Variants in CFAP44 observed in about 807,000 individuals in gnomAD.
The protein encoded by CFAP44 is cilia- and flagella-associated protein 44.
A neutral mutation model predicts 216.2 loss-of-function variants in CFAP44; 134 were observed. The ratio of observed to expected loss-of-function variants is 0.62; its 90% CI spans 0.54 to 0.72. The LOEUF is 0.72. CFAP44 is among the 30% of genes least tolerant of loss of function. CFAP44 has a pLI of 0.00. For missense variants in CFAP44, 2,035 were observed against 2,182.1 expected (o/e 0.93, Z 1.34); for synonymous variants, 700 against 727.6 (o/e 0.96, Z 0.61).
chr3:113,305,186 A>G lies in CFAP44; in HGVS notation c.4759-34T>C, dbSNP rs184012346. ...AGCCCCGTGTTGTGAAATGGTGACA[A>G]GACTCAATAAACATACATCTAAAGA... On this transcript the variant is annotated intron_variant, in intron 30 of 34. Transcript: ENST00000393845. 6.0e-6 allele frequency: 9 copies of G among 1,504,900 alleles called. No homozygotes were observed. The East Asian group carries it at 2.2e-4, about 37-fold the overall frequency. The allele number at this position is 1,504,900 out of a possible 1,614,324, so 93.2% of individuals were successfully genotyped here.
intron 24 of CFAP44, among the ~76,000 whole-genome samples, chr3:113,336,963 T>G (rs1276424260): frequency 6.6e-6 from 1 of 151,596 alleles, no homozygotes. Context: ...GTACTGGAAG[T>G]TCTAGCCAGT....
rs909634657 is a variant in CFAP44 at position 113,290,638 on chromosome 3, C to G, written c.*919G>C. 6.6e-6 allele frequency: 1 copy of G among 152,174 alleles called. No homozygotes were observed. Among genetic ancestry groups the G allele is most frequent in the Non-Finnish European group, 1.5e-5 (1 of 68,036 alleles). 9.4% of individuals were successfully genotyped at this position (152,174 alleles called of 1,614,324 possible). A position where few individuals can be genotyped will look rare whatever the true frequency, so the allele number is the denominator to read the frequency against. On this transcript the variant is annotated 3_prime_UTR_variant, in exon 35 of 35. Transcript: ENST00000393845. ...ACTTCAATGAGCACTTACCCCCAAACCAAAAGGATACTCTTCAATTAGTTT... is the reference window on the plus strand; with the variant it reads ...ACTTCAATGAGCACTTACCCCCAAAGCAAAAGGATACTCTTCAATTAGTTT...
intron 24 of CFAP44, among the ~76,000 whole-genome samples, chr3:113,341,492 T>A (rs1044026266): frequency 6.6e-6 from 1 of 152,188 alleles, no homozygotes; most frequent in African/African-American, 2.4e-5. Context: ...TAAAAATCAT[T>A]CTGACTATAC....
intron 15 of CFAP44, among the ~76,000 whole-genome samples, 188 bp downstream of exon 15, chr3:113,395,562 G>T (rs190553643): frequency 5.9e-5 from 9 of 152,178 alleles, no homozygotes; most frequent in Non-Finnish European, 7.3e-5. Context: ...AGAGAGCAAG[G>T]CTCCTGAGTG....
At chr3:113,425,872 G>T in intron 4 of CFAP44, 1 of 380,746 alleles carries the variant, frequency 2.6e-6, no homozygotes, top group East Asian at 4.1e-5. Flanking sequence ...TTTTTATAAA[G>T]GGAAGGTAGT....
chr3:113,322,956 A>C (rs1393849672), intron 28 of CFAP44, among the ~76,000 whole-genome samples: 3 of 152,210 alleles, frequency 2.0e-5, no homozygotes, highest in African/African-American at 4.8e-5. Context: ...CCTCCTCCAC[A>C]TGGCAGCAGG....
chr3:113,326,484 T>C lies in CFAP44; in HGVS notation c.4477A>G (p.Ile1493Val), dbSNP rs1436085644. The change falls in exon 28 of 35, where the codon ATT becomes GTT. Residue 1493 changes from isoleucine to valine, a missense_variant. Coordinates refer to ENST00000393845, the MANE Select transcript of CFAP44 (RefSeq NM_001164496.2). ...ACTTCTTTTTTCTTTACCCGTTTAA[T>C]CTTCTTCTTTAGGACCTTCATGAGG... ...NFLMKVLKKK[I>V]KRVKKKEVEG... 12 of 1,520,530 alleles carry C rather than the reference T, an allele frequency of 7.9e-6. No individual in the cohort carries two copies. Among genetic ancestry groups the C allele is most frequent in the Non-Finnish European group, 9.6e-6 (11 of 1,142,190 alleles). The allele number at this position is 1,520,530 out of a possible 1,614,324, so 94.2% of individuals were successfully genotyped here.
At chr3:113,365,538 A>T (rs1950578875) in intron 19 of CFAP44, among the ~76,000 whole-genome samples, 1 of 152,140 alleles carries the variant, frequency 6.6e-6, no homozygotes, top group South Asian at 2.1e-4. Flanking sequence ...ATAAAGCCAA[A>T]AATCTAGTTC....
At chr3:113,296,024 G>A (rs1949876473) in intron 33 of CFAP44, among the ~76,000 whole-genome samples, 1 of 152,182 alleles carries the variant, frequency 6.6e-6, no homozygotes, top group African/African-American at 2.4e-5. Context: ...GTTGTACCTA[G>A]TAGGTAATTT....
chr3:113,435,072 T>C (rs750572643), intron 1 of CFAP44: 3 of 152,216 alleles, frequency 2.0e-5, no homozygotes, highest in Non-Finnish European at 2.9e-5. Context: ...TCAAGAAAGA[T>C]ATAGACCGAG....
chr3:113,373,681 A>G (rs1174061545), intron 17 of CFAP44, 125 bp from the exon 18 acceptor site: 62 of 748,148 alleles, frequency 8.3e-5, no homozygotes, highest in Non-Finnish European at 1.2e-4. Flanking sequence ...CTACTTCTAC[A>G]TAATTTCTAT....
chr3:113,375,152 A>G (rs1240286681), intron 17 of CFAP44, among the ~76,000 whole-genome samples: 1 of 94,716 alleles, frequency 1.1e-5, no homozygotes, highest in Non-Finnish European at 2.0e-5. Context: ...TAAGAAAGAA[A>G]GTATGGTTGC....
At chr3:113,419,854 T>C (rs1197079336) in intron 5 of CFAP44, among the ~76,000 whole-genome samples, 163 bp downstream of exon 5, 1 of 152,230 alleles carries the variant, frequency 6.6e-6, no homozygotes, top group Admixed American at 6.5e-5. Flanking sequence ...GTGTCTGTAA[T>C]AACTGAATTG....
chr3:113,327,802 G>T lies in CFAP44; in HGVS notation c.4134C>A (p.Val1378=). 6.5e-7 allele frequency: 1 copy of T among 1,536,756 alleles called. No homozygotes were observed. The highest frequency in any genetic ancestry group is 1.2e-5 in the South Asian group (1 of 83,996). Residue 1378 remains valine (V), a synonymous_variant, in exon 27 of 35, where the codon GTC becomes GTA. Transcript: ENST00000393845. ...GGAGACGGAGTTCTGCATCGAAAGT[G>T]ACAACCAGTTCTTTGATCTGAGATG... ...YLVNRIKELV[V]TFDAELRLLR...
At chr3:113,370,091 C>A (rs976871728) in intron 18 of CFAP44, among the ~76,000 whole-genome samples, 29 of 152,028 alleles carry the variant, frequency 1.9e-4, no homozygotes, top group African/African-American at 6.7e-4. Flanking sequence ...ATAATTAATA[C>A]CCTACCAACC....
Position 113,396,652 on chromosome 3 carries a change from T to C in CFAP44, c.1645A>G (p.Lys549Glu). The change falls in exon 14 of 35, where the codon AAA becomes GAA. Residue 549 changes from lysine to glutamate, a missense_variant. Physicochemically the swap from Lys to Glu is moderately conservative, Grantham distance 56. This residue lies in a region of CFAP44 where 1,883 missense variants were observed against 2,023.7 expected (regional missense o/e 0.93). Transcript: ENST00000393845. ...VVRILELYDP[K>E]GLTIFAGRKK... ...CGTCCCGCAAAAATCGTGAGCCCTTTTGGATCATAAAGTTCAAGAATTCGA... is the reference window on the plus strand; with the variant it reads ...CGTCCCGCAAAAATCGTGAGCCCTTCTGGATCATAAAGTTCAAGAATTCGA... The C allele has an allele frequency of 1.2e-6, 2 of 1,614,096 alleles. No individual in the cohort carries two copies. Among genetic ancestry groups the C allele is most frequent in the Non-Finnish European group, 1.7e-6 (2 of 1,179,992 alleles).
rs1934144842 is a variant in CFAP44 at position 113,401,652 on chromosome 3, C to A, written c.1258G>T (p.Asp420Tyr). Reference sequence around the variant, plus strand: ...ATAGAGAAGAGATTCACATTCTTGTCTACTTGAAGTTCATTAATAGGCTCA... The same window carrying A: ...ATAGAGAAGAGATTCACATTCTTGTATACTTGAAGTTCATTAATAGGCTCA... ...EIEPINELQV[D>Y]KNVNLFSMIK... Residue 420 changes from aspartate (D) to tyrosine (Y), a missense_variant, in exon 10 of 35, where the codon GAC becomes TAC. Asp to Tyr is a radical substitution (Grantham distance 160, BLOSUM62 -3). Transcript: ENST00000393845. 2 of 1,613,556 alleles carry A rather than the reference C, an allele frequency of 1.2e-6. No individual in the cohort carries two copies. The highest frequency in any genetic ancestry group is 1.7e-4 in the Middle Eastern group (1 of 6,042).
intron 15 of CFAP44, 117 bp downstream of exon 15, chr3:113,395,633 C>G: frequency 1.2e-6 from 1 of 806,140 alleles, no homozygotes; most frequent in Non-Finnish European, 1.9e-6. Context: ...CATCCCTGAC[C>G]CTCACTGCAG....
rs369939143 is a variant in CFAP44 at position 113,333,618 on chromosome 3, A to G, written c.3438-35T>C. ...AAACAGACAACCCCCCCACACACAA[A>G]TATGACAATAAACTCTAATTTGTCT... On this transcript the variant is annotated intron_variant, in intron 24 of 34. Transcript: ENST00000393845. The G allele has an allele frequency of 1.1e-4, 158 of 1,464,832 alleles. No individual in the cohort carries two copies. The African/African-American group carries it at 2.1e-3, about 20-fold the overall frequency. The allele number at this position is 1,464,832 out of a possible 1,614,324, so 90.7% of individuals were successfully genotyped here.
Sources: allele counts gnomAD v4.1 joint callset (sites outside exome capture counted in the v4.1 genomes callset), GRCh38; gene constraint gnomAD v4.1.1; regional missense constraint gnomAD v4.1.1; transcripts MANE v1.5; gene names NCBI Gene and HGNC (gene_info 2026-07-23, HGNC 2026-07-21).